DNAH17: variants seen among roughly 807,000 people sequenced by gnomAD.
DNAH17 encodes the protein dynein axonemal heavy chain 17.
In DNAH17, 376 loss-of-function variants were observed where a neutral mutation model predicts 485.6. That is an observed-to-expected ratio of 0.77 (90% confidence interval 0.71 to 0.84). The LOEUF is 0.84. Among genes scored for constraint, DNAH17 ranks in the 40% least tolerant of loss-of-function variants. The pLI is 0.00. For synonymous variants in DNAH17, 3,031 were observed against 2,405.9 expected (o/e 1.26, Z -7.60); for missense variants, 6,370 against 5,839.3 (o/e 1.09, Z -2.96).
chr17:78,451,091 G>A lies in DNAH17; in HGVS notation c.10735-245C>T, dbSNP rs2087529775. On this transcript the variant is annotated intron_variant, in intron 66 of 80. Transcript: ENST00000389840. ...GGGCAGAACGGGGACAGGCGGGCCT[G>A]GGCCTCCTGAGCCCATGCAAGTGGC... 2.0e-5 allele frequency among the ~76,000 whole-genome samples: 3 copies of A among 152,244 alleles called. No homozygotes were observed. In the South Asian group the frequency reaches 6.2e-4, roughly 32 times the overall value.
At chr17:78,532,342 G>A (rs889979124) in intron 20 of DNAH17, 140 bp downstream of exon 20, 24 of 1,195,488 alleles carry the variant, frequency 2.0e-5, no homozygotes, top group Middle Eastern at 2.9e-4. Flanking sequence ...TTCTAATGGT[G>A]GTCACCTCCT....
intron 72 of DNAH17, among the ~76,000 whole-genome samples, chr17:78,439,709 G>C (rs141928592): frequency 6.4e-5 from 8 of 124,606 alleles, no homozygotes. Context: ...TCACTCTGTC[G>C]CCCAGGCTGG....
At chr17:78,454,393 T>C (rs915513011) in intron 64 of DNAH17, 77 bp downstream of exon 64, 20 of 1,190,396 alleles carry the variant, frequency 1.7e-5, no homozygotes, top group African/African-American at 4.6e-5. Context: ...CACCCATCCA[T>C]TGAACCAATA....
At position 78,462,935 on chromosome 17, in the gene DNAH17, T is replaced by C; in HGVS notation, c.9083A>G (p.Gln3028Arg). ...KTFLEQIKLY[Q>R]NLLAKKRTEL... Reference sequence around the variant, plus strand: ...CGTTCTCTTCTTGGCCAGCAGGTTCTGGTACAGTTTGATCTGCTCCAGAAA... The same window carrying C: ...CGTTCTCTTCTTGGCCAGCAGGTTCCGGTACAGTTTGATCTGCTCCAGAAA... The change falls in exon 57 of 81, where the codon CAG (glutamine) becomes CGG (arginine). Residue 3028 changes from glutamine (Q) to arginine (R), a missense_variant. Coordinates refer to ENST00000389840, the MANE Select transcript of DNAH17 (RefSeq NM_173628.4). 1.2e-6 allele frequency: 2 copies of C among 1,614,026 alleles called. No individual in the cohort carries two copies. Among genetic ancestry groups the C allele is most frequent in the African/African-American group, 1.3e-5 (1 of 75,052 alleles).
chr17:78,575,907 A>T (rs901321637), intron 1 of DNAH17, among the ~76,000 whole-genome samples: 1 of 152,256 alleles, frequency 6.6e-6, no homozygotes, highest in African/African-American at 2.4e-5. Flanking sequence ...AGTTTCAAAT[A>T]AAGACAGGCT....
chr17:78,510,751 GC>G (rs3031639), intron 26 of DNAH17: 3 of 376,240 alleles, frequency 8.0e-6, no homozygotes, highest in Admixed American at 7.3e-5. Context: ...CGGAATTGCG[GC>G]CCCCCCGCAA....
At position 78,515,014 on chromosome 17, in the gene DNAH17, G is replaced by C; in HGVS notation, c.3873C>G (p.Thr1291=). The C allele has an allele frequency of 6.2e-7, 1 of 1,613,382 alleles. No individual in the cohort carries two copies. Among genetic ancestry groups the C allele is most frequent in the Non-Finnish European group, 8.5e-7 (1 of 1,179,448 alleles). ...ELWDMVVVVN[T]SIEDWKTTKW... ...TGGTGGTCTTCCAGTCCTCGATGCT[G>C]GTATTTACCTGAAACGAAAACATCC... Residue 1291 remains threonine, a synonymous_variant, in exon 26 of 81, where the codon ACC becomes ACG. Coordinates refer to ENST00000389840, the MANE Select transcript of DNAH17 (RefSeq NM_173628.4).
At chr17:78,456,786 T>C (rs543037503) in intron 62 of DNAH17, among the ~76,000 whole-genome samples, 1 of 152,190 alleles carries the variant, frequency 6.6e-6, no homozygotes, top group Non-Finnish European at 1.5e-5. Context: ...ATTTGGCAGG[T>C]GAGGTTAAAT....
chr17:78,537,515 CCT>C, intron 18 of DNAH17, 34 bp from the exon 19 acceptor site: 1 of 1,606,184 alleles, frequency 6.2e-7, no homozygotes, highest in Non-Finnish European at 8.5e-7. Context: ...GTGGTCAACA[CCT>C]CTGTCCTCCA....
chr17:78,462,604 G>A (rs114050035), intron 57 of DNAH17, among the ~76,000 whole-genome samples: 3 of 152,226 alleles, frequency 2.0e-5, no homozygotes, highest in African/African-American at 4.8e-5. Flanking sequence ...CATCCCCTGT[G>A]TAATGCGCCC....
At chr17:78,438,981 T>C (rs1443717740) in intron 73 of DNAH17, 109 bp downstream of exon 73, 2 of 1,445,830 alleles carry the variant, frequency 1.4e-6, no homozygotes, top group Non-Finnish European at 1.8e-6. Flanking sequence ...TCCACCCACA[T>C]TTCTGAATGC....
intron 50 of DNAH17, 89 bp downstream of exon 50, chr17:78,479,396 A>C (rs758932636): frequency 1.5e-6 from 2 of 1,377,882 alleles, no homozygotes; most frequent in African/African-American, 1.5e-5. Flanking sequence ...TATAAATAAA[A>C]TATTTATCAA....
In DNAH17 at chr17:78,510,751, G is replaced by GC. The variant is rs3031639; in HGVS notation, c.4114-246dup. 79 of 378,318 alleles carry GC rather than the reference G, an allele frequency of 2.1e-4. No individual in the cohort carries two copies. In the Middle Eastern group the frequency reaches 2.5e-3, roughly 12 times the overall value. The allele number at this position is 378,318 out of a possible 1,614,324, so 23.4% of individuals were successfully genotyped here. Reference sequence around the variant, plus strand: ...CGCACCTGCACTGGGCGGAATTGCGGCCCCCCCGCAAAATTCACATCCGCC... The same window carrying GC: ...CGCACCTGCACTGGGCGGAATTGCGGCCCCCCCCGCAAAATTCACATCCGCC... On this transcript the variant is annotated intron_variant, in intron 26 of 80. Coordinates refer to ENST00000389840, the MANE Select transcript of DNAH17 (RefSeq NM_173628.4).
chr17:78,466,133 C>G (rs1366473975), intron 56 of DNAH17, among the ~76,000 whole-genome samples: 3 of 152,224 alleles, frequency 2.0e-5, no homozygotes, highest in Admixed American at 6.5e-5. Flanking sequence ...GACCTTACCC[C>G]CAGCCCTGTG....
At chr17:78,478,391 A>G (rs1333651465) in intron 51 of DNAH17, among the ~76,000 whole-genome samples, 2 of 150,964 alleles carry the variant, frequency 1.3e-5, no homozygotes, top group East Asian at 4.0e-4. Context: ...CACTATTATC[A>G]TCAGCACCAC....
intron 69 of DNAH17, 103 bp downstream of exon 69, chr17:78,449,311 G>A: frequency 1.6e-6 from 2 of 1,257,726 alleles, no homozygotes; most frequent in Non-Finnish European, 2.2e-6. Context: ...AAATCACCAG[G>A]TTTGGGTGGG....
intron 68 of DNAH17, 26 bp from the exon 69 acceptor site, chr17:78,449,610 G>A (rs1487699395): frequency 6.3e-7 from 1 of 1,586,974 alleles, no homozygotes; most frequent in Non-Finnish European, 8.6e-7. Context: ...CGAGAGCCAT[G>A]GAGGCGTGCA....
chr17:78,504,160 G>A (rs2090404906), intron 31 of DNAH17, among the ~76,000 whole-genome samples: 2 of 151,642 alleles, frequency 1.3e-5, no homozygotes, highest in African/African-American at 4.8e-5. Context: ...CTGTCTCCTA[G>A]GTTCAAGTGA....
chr17:78,563,873 G>A (rs959941222), intron 11 of DNAH17, among the ~76,000 whole-genome samples: 10 of 152,134 alleles, frequency 6.6e-5, no homozygotes, highest in African/African-American at 2.4e-4. Context: ...TGAACAGATG[G>A]CGATGGAAAT....
Sources: gnomAD v4.1 joint callset for allele counts (sites outside exome capture counted in the v4.1 genomes callset) on GRCh38, gnomAD v4.1.1 for gene constraint, MANE v1.5 for transcripts, NCBI Gene and HGNC (gene_info 2026-07-23, HGNC 2026-07-21) for gene names.